Variants in NUP153 observed in about 807,000 individuals in gnomAD.
NUP153 encodes nucleoporin 153.
Under a neutral mutation model 134.6 loss-of-function variants are expected in NUP153, and 27 were observed. That is an observed-to-expected ratio of 0.20 (90% CI 0.15 to 0.28). The LOEUF (loss-of-function observed/expected upper bound fraction) is 0.28. Among genes scored for constraint, NUP153 ranks in the 10% least tolerant of loss-of-function variants. The probability of loss-of-function intolerance (pLI) is 1.00; values close to 1 mark genes in which losing one functional copy is unlikely to be tolerated. For missense variants in NUP153, 1,821 were observed against 1,731.3 expected (o/e 1.05, Z -0.92); for synonymous variants, 640 against 623.5 (o/e 1.03, Z -0.40).
At chr6:17,619,040 C>T (rs761272871) in intron 20 of NUP153, among the ~76,000 whole-genome samples, 3 of 152,036 alleles carry the variant, frequency 2.0e-5, no homozygotes, top group South Asian at 2.1e-4. Context: ...CCTACACAAA[C>T]GATAAAAACA....
rs541457182 is a variant in NUP153 at position 17,682,735 on chromosome 6, G to A, written c.334+5661C>T. Among the ~76,000 whole-genome samples, 6 of 151,956 alleles carry A rather than the reference G, an allele frequency of 3.9e-5. No individual in the cohort carries two copies. In the South Asian group the frequency reaches 6.3e-4, roughly 16 times the overall value. On this transcript the variant is annotated intron_variant, in intron 2 of 21. Transcript: ENST00000262077. ...AGCTCGAGACCATCCTTGCCAACAC[G>A]GTGAAACCCCATCTCTACTAAAAAT...
intron 7 of NUP153, 90 bp from the exon 8 acceptor site, chr6:17,669,118 G>A (rs1311776749): frequency 3.4e-5 from 36 of 1,057,304 alleles, no homozygotes; most frequent in East Asian, 7.8e-5. Flanking sequence ...TCACTCTGTC[G>A]CCCAGGCTGG....
chr6:17,696,274 T>G (rs1259209296), intron 1 of NUP153, among the ~76,000 whole-genome samples: 1 of 151,794 alleles, frequency 6.6e-6, no homozygotes, highest in African/African-American at 2.4e-5. Context: ...GTAAAAAGAG[T>G]CTGACAAGAG....
intron 11 of NUP153, among the ~76,000 whole-genome samples, chr6:17,649,976 C>T (rs888110509): frequency 6.6e-6 from 1 of 152,102 alleles, no homozygotes; most frequent in Non-Finnish European, 1.5e-5. Context: ...ACTGTCAGTA[C>T]TGAGGAGTCT....
Position 17,637,388 on chromosome 6 carries a change from T to C in NUP153, c.2229A>G (p.Val743=). The C allele has an allele frequency of 6.2e-7, 1 of 1,614,234 alleles. No individual in the cohort carries two copies. The highest frequency in any genetic ancestry group is 8.5e-7 in the Non-Finnish European group (1 of 1,180,042). The change falls in exon 16 of 22, where the codon GTA becomes GTG. Residue 743 remains valine (V), a synonymous_variant. Coordinates refer to ENST00000262077, the MANE Select transcript of NUP153 (RefSeq NM_005124.4). ...VQNKPEAIKC[V]ACETPKPGTC... Reference sequence around the variant, plus strand: ...TTCCAGGTTTCGGTGTTTCACAGGCTACACATTTTATTGCTTCAGGTTTAT... The same window carrying C: ...TTCCAGGTTTCGGTGTTTCACAGGCCACACATTTTATTGCTTCAGGTTTAT...
At chr6:17,665,491 C>A in intron 8 of NUP153, 106 bp from the exon 9 acceptor site, 1 of 842,082 alleles carries the variant, frequency 1.2e-6, no homozygotes, top group African/African-American at 1.7e-5. Context: ...GAGTATTTCC[C>A]AGAGAAATAT....
At chr6:17,669,620 AC>A in intron 5 of NUP153, 74 bp from the exon 6 acceptor site, 1 of 1,007,436 alleles carries the variant, frequency 9.9e-7, no homozygotes, top group South Asian at 1.3e-5. Flanking sequence ...GAAAATATTT[AC>A]AAGATAGAAT....
intron 11 of NUP153, among the ~76,000 whole-genome samples, chr6:17,652,518 G>A (rs569459073): frequency 2.0e-5 from 3 of 152,092 alleles, no homozygotes; most frequent in South Asian, 2.1e-4. Context: ...TTTGTAGCCC[G>A]GGGATAGGCA....
At chr6:17,618,845 C>T (rs1187560914) in intron 20 of NUP153, among the ~76,000 whole-genome samples, 4 of 152,080 alleles carry the variant, frequency 2.6e-5, no homozygotes, top group East Asian at 1.9e-4. Context: ...GGATTACAGG[C>T]GTGAGCCACT....
intron 1 of NUP153, among the ~76,000 whole-genome samples, chr6:17,704,174 T>C (rs1969915): frequency 0.88 from 133,523 of 152,012 alleles, 58,788 homozygotes; most frequent in South Asian, 0.95. Flanking sequence ...CGCCTGTAGT[T>C]CCAGCTACTC....
chr6:17,616,663 T>G lies in NUP153; in HGVS notation c.4207A>C (p.Asn1403His). Residue 1403 changes from asparagine to histidine, a missense_variant, in exon 21 of 22, where the codon AAT becomes CAT. Asn to His is a moderately conservative substitution (Grantham distance 68). Transcript: ENST00000262077. ...SAFQFGSSTTNFNFTNNSPSG... is the reference protein window; with the variant it reads ...SAFQFGSSTTHFNFTNNSPSG... ...GGACTGTTGTTTGTGAAGTTGAAAT[T>G]TGTAGTGCTGCTGCCAAACTGGAAA... 6.2e-7 allele frequency: 1 copy of G among 1,613,818 alleles called. No individual in the cohort carries two copies. The highest frequency in any genetic ancestry group is 8.5e-7 in the Non-Finnish European group (1 of 1,179,748).
chr6:17,701,686 T>C (rs999341929), intron 1 of NUP153, among the ~76,000 whole-genome samples: 6 of 149,732 alleles, frequency 4.0e-5, no homozygotes, highest in Non-Finnish European at 8.9e-5. Flanking sequence ...ATACAAAAAT[T>C]AGCTAGGCGT....
At chr6:17,704,283 C>G (rs1420990801) in intron 1 of NUP153, among the ~76,000 whole-genome samples, 1 of 144,492 alleles carries the variant, frequency 6.9e-6, no homozygotes, top group Non-Finnish European at 1.5e-5. Context: ...CAGAGCGAGA[C>G]TCCGTCTCAA....
In NUP153 at chr6:17,649,273, T is replaced by C. The variant is rs1380880561; in HGVS notation, c.1423A>G (p.Ile475Val). The C allele has an allele frequency of 1.2e-6, 2 of 1,612,854 alleles. No individual in the cohort carries two copies. Among genetic ancestry groups the C allele is most frequent in the African/African-American group, 2.7e-5 (2 of 74,822 alleles). ...EEMEVPVLPK[I>V]SLPITSSSLP... ...GAAGAACTGGTGATCGGTAGAGAGA[T>C]TTTCGGTAATACTGGAACTTCCATT... Residue 475 changes from isoleucine to valine, a missense_variant, in exon 12 of 22, where the codon ATC becomes GTC. Transcript: ENST00000262077.
chr6:17,688,379 A>G lies in NUP153; in HGVS notation c.334+17T>C. ...GAAAACCTATCATTCATGACAAAAT[A>G]TTCACATTTTACTTACCTTCTGTAT... On this transcript the variant is annotated intron_variant, in intron 2 of 21. Coordinates refer to ENST00000262077, the MANE Select transcript of NUP153 (RefSeq NM_005124.4). 2.5e-6 allele frequency: 4 copies of G among 1,591,318 alleles called. No homozygotes were observed. Among genetic ancestry groups the G allele is most frequent in the Non-Finnish European group, 3.4e-6 (4 of 1,159,422 alleles).
chr6:17,684,331 T>C (rs1053811638), intron 2 of NUP153, among the ~76,000 whole-genome samples: 50 of 152,224 alleles, frequency 3.3e-4, no homozygotes, highest in African/African-American at 9.2e-4. Flanking sequence ...CACCTTGCCC[T>C]TTTATGTTAC....
intron 5 of NUP153, among the ~76,000 whole-genome samples, chr6:17,674,010 C>G (rs1768067518): frequency 6.6e-6 from 1 of 152,086 alleles, no homozygotes; most frequent in South Asian, 2.1e-4. Context: ...TAAAAAGGAA[C>G]TATTAAAAGA....
rs764723538 is a variant in NUP153, at chr6:17,706,287, T to C, written c.101A>G (p.Gln34Arg). 2.5e-6 allele frequency: 4 copies of C among 1,613,110 alleles called. No individual in the cohort carries two copies. The East Asian group carries it at 8.9e-5, about 36-fold the overall frequency. The change falls in exon 1 of 22, where the codon CAA becomes CGA. Residue 34 changes from glutamine (Q) to arginine (R), a missense_variant. Gln to Arg is a conservative substitution (Grantham distance 43). Coordinates refer to ENST00000262077, the MANE Select transcript of NUP153 (RefSeq NM_005124.4). The surrounding 1 kb of genome is among the most constrained non-coding windows in gnomAD (Gnocchi z 5.9). ...GTCGGGGTCCCATACCTGATGCTGT[T>C]GTCGCCCCTGCTGGTAAGGCTTAAT... is the stretch of plus-strand genomic sequence containing the variant. ...GPIKPYQQGR[Q>R]QHQGILSRVT...
chr6:17,678,327 G>A (rs2113837506), intron 2 of NUP153, among the ~76,000 whole-genome samples: 1 of 125,600 alleles, frequency 8.0e-6, no homozygotes, highest in Non-Finnish European at 1.6e-5. Flanking sequence ...CTGAATTCCA[G>A]CCTGGTTGAC....
Sources: allele counts gnomAD v4.1 joint callset (sites outside exome capture counted in the v4.1 genomes callset), GRCh38; gene constraint gnomAD v4.1.1; non-coding constraint Gnocchi (gnomAD v3.1); transcripts MANE v1.5; gene names NCBI Gene and HGNC (gene_info 2026-07-23, HGNC 2026-07-21).